ZBTB37: variants seen among roughly 807,000 people sequenced by gnomAD.
ZBTB37 encodes zinc finger and BTB domain-containing protein 37.
A neutral mutation model predicts 37.7 loss-of-function variants in ZBTB37; 15 were observed. That is an observed-to-expected ratio of 0.40 (90% CI 0.27 to 0.61). The LOEUF (loss-of-function observed/expected upper bound fraction) is 0.61, where lower values mean the gene tolerates loss of function less well. ZBTB37 is among the 20% of genes least tolerant of loss of function. ZBTB37 has a pLI of 0.44. For synonymous variants in ZBTB37, 231 were observed against 220.6 expected (o/e 1.05, Z -0.42); for missense variants, 514 against 641.9 (o/e 0.80, Z 2.15).
chr1:173,868,557 C>G (rs949224100), intron 1 of ZBTB37, among the ~76,000 whole-genome samples, 152 bp downstream of exon 1: 2 of 152,220 alleles, frequency 1.3e-5, no homozygotes, highest in Non-Finnish European at 2.9e-5. Flanking sequence ...CGACCTTCCA[C>G]CCCCTTGGCC....
chr1:173,870,910 C>T (rs745371341), exon 3 of ZBTB37: 22 of 1,614,136 alleles, frequency 1.4e-5, no homozygotes, highest in Non-Finnish European at 1.9e-5. Context: ...AGTGGCGGAC[C>T]GTGGGGGTCG....
exon 4 of ZBTB37, chr1:173,896,411 A>G (rs1657049383): frequency 2.0e-5 from 3 of 152,212 alleles, no homozygotes; most frequent in Admixed American, 2.0e-4. Context: ...GAAAAATCTT[A>G]ATGATGATCT....
intron 4 of ZBTB37, among the ~76,000 whole-genome samples, chr1:173,881,642 C>T (rs947563456): frequency 2.0e-5 from 3 of 152,300 alleles, no homozygotes; most frequent in Admixed American, 2.0e-4. Context: ...TCAATGATCG[C>T]CATTCTAACT....
chr1:173,873,767 C>A, intron 4 of ZBTB37: 1 of 775,636 alleles, frequency 1.3e-6, no homozygotes, highest in South Asian at 3.4e-5. Flanking sequence ...AAATTGCAGA[C>A]TGGTATTTCT....
chr1:173,870,699 T>A (rs368430685), exon 3 of ZBTB37: 4 of 1,613,962 alleles, frequency 2.5e-6, no homozygotes, highest in Non-Finnish European at 2.5e-6. Flanking sequence ...TTACACCAAA[T>A]CTCAACCGCT....
At chr1:173,882,534 C>G (rs1656391575) in intron 4 of ZBTB37, among the ~76,000 whole-genome samples, 1 of 152,032 alleles carries the variant, frequency 6.6e-6, no homozygotes. Context: ...GCCACTGTGC[C>G]CAGCCCTGAT....
chr1:173,878,343 C>G (rs1451964208), intron 4 of ZBTB37, among the ~76,000 whole-genome samples: 1 of 152,202 alleles, frequency 6.6e-6, no homozygotes. Flanking sequence ...ACCACATTTT[C>G]TTTCCTCTTT....
intron 4 of ZBTB37, among the ~76,000 whole-genome samples, chr1:173,877,039 T>A (rs983648445): frequency 3.3e-5 from 5 of 152,210 alleles, no homozygotes; most frequent in African/African-American, 9.7e-5. Context: ...TTTGTGTATC[T>A]AAACATAAAT....
chr1:173,892,501 A>G (rs1656881028), exon 4 of ZBTB37: 2 of 152,206 alleles, frequency 1.3e-5, no homozygotes, highest in Non-Finnish European at 2.9e-5. Context: ...ACATCTGAAT[A>G]TGTTACATTC....
intron 4 of ZBTB37, among the ~76,000 whole-genome samples, chr1:173,885,185 T>G (rs1656556131): frequency 6.6e-6 from 1 of 152,162 alleles, no homozygotes; most frequent in Admixed American, 6.5e-5. Flanking sequence ...TAGTGAGCCG[T>G]GATCACACCA....
chr1:173,872,852 C>G (rs1655667127), intron 3 of ZBTB37, among the ~76,000 whole-genome samples: 1 of 151,572 alleles, frequency 6.6e-6, no homozygotes, highest in Non-Finnish European at 1.5e-5. Context: ...ACTAAAAATA[C>G]AAAAATTAGC....
At chr1:173,875,248 C>T (rs760442032) in intron 4 of ZBTB37, among the ~76,000 whole-genome samples, 12 of 145,506 alleles carry the variant, frequency 8.2e-5, no homozygotes, top group African/African-American at 2.4e-4. Context: ...ATATACTATG[C>T]GTAGTATACA....
At chr1:173,895,424 AT>A (rs1657007177) in exon 4 of ZBTB37, 1 of 152,146 alleles carries the variant, frequency 6.6e-6, no homozygotes, top group African/African-American at 2.4e-5. Flanking sequence ...CTATTAAATA[AT>A]TTGATTTCTT....
At chr1:173,887,351 C>G (rs1656666533), downstream of ZBTB37, 1 of 152,212 alleles carries the variant, frequency 6.6e-6, no homozygotes, top group African/African-American at 2.4e-5. Flanking sequence ...CAAACCATAG[C>G]TGGTGACTCC....
intron 4 of ZBTB37, among the ~76,000 whole-genome samples, chr1:173,877,801 T>C (rs75462471): frequency 0.025 from 3,782 of 152,266 alleles, 59 homozygotes; most frequent in Non-Finnish European, 0.036. Context: ...TTTTTTCCTC[T>C]ACTACAGAGA....
At chr1:173,883,214 C>T (rs892477762) in intron 4 of ZBTB37, among the ~76,000 whole-genome samples, 2 of 152,316 alleles carry the variant, frequency 1.3e-5, no homozygotes, top group South Asian at 4.1e-4. Context: ...CCTGGTGGCT[C>T]AAGCCTGTAA....
At chr1:173,881,613 C>G (rs1461634513) in intron 4 of ZBTB37, among the ~76,000 whole-genome samples, 1 of 152,188 alleles carries the variant, frequency 6.6e-6, no homozygotes, top group South Asian at 2.1e-4. Context: ...CTCTCCAGCA[C>G]CTGTTGTTTC....
chr1:173,875,135 TG>T (rs1655866355), intron 4 of ZBTB37, among the ~76,000 whole-genome samples: 1 of 150,128 alleles, frequency 6.7e-6, no homozygotes, highest in Admixed American at 6.6e-5. Context: ...TGTGTGTGTG[TG>T]TGTGTGTGTG....
chr1:173,889,670 A>G (rs1216879161), downstream of ZBTB37: 1 of 152,220 alleles, frequency 6.6e-6, no homozygotes, highest in Admixed American at 6.5e-5. Flanking sequence ...GGCTCCTTCT[A>G]ATGACTTGTT....
Sources: allele counts gnomAD v4.1 joint callset (sites outside exome capture counted in the v4.1 genomes callset), GRCh38; gene constraint gnomAD v4.1.1; transcripts MANE v1.5; gene names NCBI Gene and HGNC (gene_info 2026-07-23, HGNC 2026-07-21).